TRPM1: variants seen among roughly 807,000 people sequenced by gnomAD.
TRPM1 encodes TRPM1-203 APA Isoform, Intron 10.
Under a neutral mutation model 149.4 loss-of-function variants are expected in TRPM1, and 113 were observed. The ratio of observed to expected loss-of-function variants is 0.76; its 90% confidence interval spans 0.65 to 0.88. The LOEUF (loss-of-function observed/expected upper bound fraction) is 0.88. Among genes scored for constraint, TRPM1 ranks in the 40% least tolerant of loss-of-function variants. TRPM1 has a pLI of 0.00. For missense variants in TRPM1, 1,976 were observed against 2,038.7 expected, an observed-to-expected ratio of 0.97 and a Z score of 0.59; for synonymous variants, 741 against 759.5, an observed-to-expected ratio of 0.98 and a Z score of 0.40.
chr15:31,079,927 T>G (rs2034811526), intron 2 of TRPM1, among the ~76,000 whole-genome samples: 1 of 152,144 alleles, frequency 6.6e-6, no homozygotes, highest in African/African-American at 2.4e-5. Flanking sequence ...AAACTTTACT[T>G]TTGACATGGG....
In TRPM1 at chr15:31,052,125, C is replaced by T. The variant is rs190672673; in HGVS notation, c.1264-1543G>A. Among the ~76,000 whole-genome samples the T allele has an allele frequency of 2.8e-3, 419 of 152,342 alleles. 2 individuals are homozygous for T. Among genetic ancestry groups the T allele is most frequent in the Non-Finnish European group, 4.0e-3 (269 of 68,032 alleles). Reference sequence around the variant, plus strand: ...CTGCACACCTGCCATGGCACCCACCCAGTGCATTTTCCACAGTAACTCCAG... The same window carrying T: ...CTGCACACCTGCCATGGCACCCACCTAGTGCATTTTCCACAGTAACTCCAG... On this transcript the variant is annotated intron_variant, in intron 11 of 27. Transcript: ENST00000256552.
chr15:31,041,029 C>T (rs2033599435), intron 17 of TRPM1, among the ~76,000 whole-genome samples: 1 of 152,084 alleles, frequency 6.6e-6, no homozygotes, highest in Admixed American at 6.6e-5. Context: ...CTGATGGGGA[C>T]AGTGATAGAA....
At chr15:31,060,701 T>C in intron 10 of TRPM1, 57 bp from the exon 11 acceptor site, 1 of 1,424,616 alleles carries the variant, frequency 7.0e-7, no homozygotes, top group Middle Eastern at 1.7e-4. Flanking sequence ...CGCCAGGGTT[T>C]GGCAGGTGCT....
At chr15:31,125,544 A>C (rs974886562) in intron 1 of TRPM1, among the ~76,000 whole-genome samples, 10 of 150,152 alleles carry the variant, frequency 6.7e-5, no homozygotes, top group African/African-American at 1.2e-4. Flanking sequence ...TCCCGGCTAA[A>C]ACGGTGAAAC....
intron 27 of TRPM1, among the ~76,000 whole-genome samples, chr15:31,017,812 TG>T (rs1372013842): frequency 6.6e-6 from 1 of 152,200 alleles, no homozygotes; most frequent in Non-Finnish European, 1.5e-5. Flanking sequence ...ATAATAGGTA[TG>T]GCAATACCTG....
At chr15:31,149,158 G>A (rs1218982801) in intron 1 of TRPM1, among the ~76,000 whole-genome samples, 1 of 152,210 alleles carries the variant, frequency 6.6e-6, no homozygotes, top group Admixed American at 6.5e-5. Flanking sequence ...GGCTGGGGAG[G>A]CCAGGCAAGA....
chr15:31,081,208 C>T (rs2140983674), intron 2 of TRPM1, 145 bp downstream of exon 2: 1 of 717,796 alleles, frequency 1.4e-6, no homozygotes, highest in African/African-American at 1.7e-5. Flanking sequence ...GTGCAACTGG[C>T]GCCATGGCCC....
chr15:31,037,330 C>A (rs915078236), intron 20 of TRPM1, among the ~76,000 whole-genome samples: 4 of 152,222 alleles, frequency 2.6e-5, no homozygotes, highest in African/African-American at 9.6e-5. Context: ...AATGACCCCA[C>A]CAATTTCATG....
intron 12 of TRPM1, 144 bp from the exon 13 acceptor site, chr15:31,049,653 G>A (rs2033889963): frequency 2.2e-6 from 2 of 900,118 alleles, no homozygotes; most frequent in African/African-American, 1.6e-5. Flanking sequence ...TTTATCTTGG[G>A]TAAACACTCC....
At position 31,002,525 on chromosome 15, in the gene TRPM1, T is replaced by C; in HGVS notation, c.4175A>G (p.Asp1392Gly). The change falls in exon 28 of 28, where the codon GAC becomes GGC. Residue 1392 changes from aspartate (D) to glycine (G), a missense_variant. Transcript: ENST00000256552. ...ISKEDDERQT[D>G]SKKEETISPS... ...GGAAATAGTTTCTTCTTTTTTAGAG[T>C]CTGTCTGTCTTTCATCATCTTCCTT... 6.2e-7 allele frequency: 1 copy of C among 1,613,642 alleles called. No homozygotes were observed.
chr15:31,052,195 T>G (rs776814486), intron 11 of TRPM1, among the ~76,000 whole-genome samples: 1 of 152,172 alleles, frequency 6.6e-6, no homozygotes, highest in Non-Finnish European at 1.5e-5. Flanking sequence ...CTCTCCTGCT[T>G]AAAACCCTTA....
At chr15:31,064,872 T>G (rs2034326035) in intron 7 of TRPM1, among the ~76,000 whole-genome samples, 1 of 152,178 alleles carries the variant, frequency 6.6e-6, no homozygotes, top group African/African-American at 2.4e-5. Flanking sequence ...CAGGAGATAT[T>G]GGAAAAATGA....
chr15:31,022,595 C>G (rs2032586305), intron 27 of TRPM1, among the ~76,000 whole-genome samples: 2 of 152,256 alleles, frequency 1.3e-5, no homozygotes, highest in South Asian at 4.1e-4. Flanking sequence ...TCCTGTGGCA[C>G]AATCCTTTGG....
intron 11 of TRPM1, among the ~76,000 whole-genome samples, chr15:31,055,784 G>T (rs1020836363): frequency 6.6e-6 from 1 of 152,162 alleles, no homozygotes; most frequent in Admixed American, 6.5e-5. Flanking sequence ...TGGCAAAATG[G>T]GTTTCCATAC....
chr15:31,089,702 C>T (rs571434366), intron 1 of TRPM1, among the ~76,000 whole-genome samples: 8 of 152,292 alleles, frequency 5.3e-5, no homozygotes, highest in South Asian at 2.1e-4. Context: ...GCTCCAGGGC[C>T]GACACTTGGA....
intron 1 of TRPM1, among the ~76,000 whole-genome samples, chr15:31,096,107 A>G (rs2035379104): frequency 6.6e-6 from 1 of 151,506 alleles, no homozygotes; most frequent in Admixed American, 6.6e-5. Flanking sequence ...AAGGAAGGAA[A>G]GAAAAAGAAG....
At chr15:31,144,802 G>A (rs1596100745) in intron 1 of TRPM1, among the ~76,000 whole-genome samples, 2 of 145,280 alleles carry the variant, frequency 1.4e-5, no homozygotes, top group South Asian at 2.3e-4. Context: ...TGCAACCTCC[G>A]CCTCCTGGGT....
intron 3 of TRPM1, among the ~76,000 whole-genome samples, chr15:31,071,592 A>C (rs1163801580): frequency 1.1e-4 from 15 of 137,992 alleles, no homozygotes; most frequent in African/African-American, 2.5e-4. Flanking sequence ...TCCCTCCCTC[A>C]CTCCCTCCCT....
chr15:31,053,336 C>T (rs145329909), intron 11 of TRPM1, among the ~76,000 whole-genome samples: 2,293 of 152,130 alleles, frequency 0.015, 63 homozygotes, highest in African/African-American at 0.051. Context: ...CTGCAACCTC[C>T]GCCTCCCAGG....
Sources: allele counts gnomAD v4.1 joint callset (sites outside exome capture counted in the v4.1 genomes callset), GRCh38; gene constraint gnomAD v4.1.1; transcripts MANE v1.5; gene names NCBI Gene and HGNC (gene_info 2026-07-23, HGNC 2026-07-21).